The following KLHL4 variants were observed in gnomAD, a reference collection of about 807,000 sequenced individuals.
KLHL4 encodes kelch like family member 4, also known as kelch-like protein 4.
Under a neutral mutation model 45.8 loss-of-function variants are expected in KLHL4, and 17 were observed. The ratio of observed to expected loss-of-function variants is 0.37; its 90% CI spans 0.25 to 0.56. The LOEUF (loss-of-function observed/expected upper bound fraction) is 0.56. KLHL4 is among the 20% of genes least tolerant of loss of function. The pLI is 0.79. For synonymous variants in KLHL4, 224 were observed against 189.9 expected (o/e 1.18, Z -1.47); for missense variants, 544 against 544.9 (o/e 1.00, Z 0.02).
intron 1 of KLHL4, among the ~76,000 whole-genome samples, chrX:87,539,365 C>T (rs948828473): frequency 1.8e-5 from 2 of 110,269 alleles, no homozygotes; most frequent in African/African-American, 6.6e-5. Context: ...TTTTTCTCCC[C>T]AGGGTCTAGA....
In KLHL4 at chrX:87,614,034, C is replaced by T. The variant is rs765543968; in HGVS notation, c.580C>T (p.Pro194Ser). 8.4e-7 allele frequency: 1 copy of T among 1,197,539 alleles called. No homozygotes were observed. Among genetic ancestry groups the T allele is most frequent in the Non-Finnish European group, 1.1e-6 (1 of 888,009 alleles). The change falls in exon 2 of 11, where the codon CCA becomes TCA. Residue 194 changes from proline (P) to serine (S), a missense_variant. Physicochemically the swap from Pro to Ser is moderately conservative, Grantham distance 74. Coordinates refer to ENST00000373119, the MANE Select transcript of KLHL4 (RefSeq NM_019117.5). Reference protein sequence around the residue: ...VLLIAGHLRIPAHRLVLSAVS... With the variant: ...VLLIAGHLRISAHRLVLSAVS... Reference sequence around the variant, plus strand: ...ACTGATTGCAGGACACCTCCGCATCCCAGCCCATAGGTAAGTATTTTTATG... The same window carrying T: ...ACTGATTGCAGGACACCTCCGCATCTCAGCCCATAGGTAAGTATTTTTATG...
chrX:87,621,532 A>G (rs926373789), intron 4 of KLHL4, among the ~76,000 whole-genome samples: 1 of 108,797 alleles, frequency 9.2e-6, no homozygotes, highest in Non-Finnish European at 1.9e-5. Context: ...CTAAAAAAAA[A>G]AATACGAAAA....
intron 9 of KLHL4, among the ~76,000 whole-genome samples, chrX:87,659,828 G>A (rs1924127232): frequency 9.0e-6 from 1 of 111,203 alleles, no homozygotes; most frequent in Non-Finnish European, 1.9e-5. Context: ...TTCAGGACTG[G>A]CTTCATGCAT....
At chrX:87,556,184 A>G in intron 1 of KLHL4, among the ~76,000 whole-genome samples, 1 of 110,979 alleles carries the variant, frequency 9.0e-6, no homozygotes, top group Admixed American at 9.7e-5. Context: ...GTGGTGCCAA[A>G]GGACTATAAA....
chrX:87,614,047 A>G lies in KLHL4; in HGVS notation c.590+3A>G. ...CACCTCCGCATCCCAGCCCATAGGTAAGTATTTTTATGTATACAGAATGGT... is the reference window on the plus strand; with the variant it reads ...CACCTCCGCATCCCAGCCCATAGGTGAGTATTTTTATGTATACAGAATGGT... On this transcript the variant is annotated splice_donor_region_variant and intron_variant, in intron 2 of 10. Transcript: ENST00000373119. The G allele has an allele frequency of 2.5e-6, 3 of 1,187,025 alleles. No homozygotes were observed. Among genetic ancestry groups the G allele is most frequent in the South Asian group, 1.9e-5 (1 of 52,825 alleles).
intron 6 of KLHL4, among the ~76,000 whole-genome samples, chrX:87,629,445 T>C (rs1431104112): frequency 9.0e-6 from 1 of 111,049 alleles, no homozygotes. Flanking sequence ...AATGCTCATG[T>C]TGCAGTCAAA....
chrX:87,585,726 A>G (rs1921449926), intron 1 of KLHL4, among the ~76,000 whole-genome samples: 1 of 111,232 alleles, frequency 9.0e-6, no homozygotes, highest in African/African-American at 3.3e-5. Flanking sequence ...CACAAAACAA[A>G]CAGAAAACAA....
chrX:87,652,276 C>A (rs1205080160), intron 9 of KLHL4, among the ~76,000 whole-genome samples: 2 of 112,421 alleles, frequency 1.8e-5, no homozygotes, highest in African/African-American at 6.5e-5. Context: ...GAGACATTTT[C>A]CCTATTGTCT....
chrX:87,580,046 G>A (rs1233405570), intron 1 of KLHL4, among the ~76,000 whole-genome samples: 1 of 111,971 alleles, frequency 8.9e-6, no homozygotes, highest in Non-Finnish European at 1.9e-5. Flanking sequence ...GATACACAAT[G>A]TAAAAGATAC....
intron 1 of KLHL4, among the ~76,000 whole-genome samples, chrX:87,584,237 A>C (rs963233686): frequency 5.4e-5 from 6 of 111,805 alleles, no homozygotes; most frequent in African/African-American, 2.0e-4. Flanking sequence ...CCCATGAAGC[A>C]CATCTATAAC....
chrX:87,621,638 A>G (rs1355257410), intron 4 of KLHL4, among the ~76,000 whole-genome samples: 5 of 111,320 alleles, frequency 4.5e-5, no homozygotes, highest in African/African-American at 1.6e-4. Context: ...TCCTGAACCC[A>G]TAGATTGTTA....
Position 87,587,963 on chromosome X carries a change from T to TA in KLHL4, c.423-25908dup, listed in dbSNP as rs756005071. 7.2e-5 allele frequency among the ~76,000 whole-genome samples: 8 copies of TA among 111,401 alleles called. No individual in the cohort carries two copies. The East Asian group carries it at 2.3e-3, about 31-fold the overall frequency. ...CAACAAATTCAGTAAACTTGCAGGA[T>TA]AAAAAATCAACATACAAAAATCAGT... On this transcript the variant is annotated intron_variant, in intron 1 of 10. Transcript: ENST00000373119.
intron 1 of KLHL4, among the ~76,000 whole-genome samples, chrX:87,591,418 G>T (rs1921659533): frequency 9.0e-6 from 1 of 111,283 alleles, no homozygotes; most frequent in South Asian, 3.7e-4. Flanking sequence ...ATGATGTCTG[G>T]GCTTTTAGTG....
chrX:87,644,248 A>G (rs977356226), intron 9 of KLHL4, among the ~76,000 whole-genome samples: 44 of 111,877 alleles, frequency 3.9e-4, no homozygotes, highest in African/African-American at 1.4e-3. Context: ...GCTCTTCTAT[A>G]CACCAACAGC....
chrX:87,633,264 C>T (rs1288053707), intron 7 of KLHL4, among the ~76,000 whole-genome samples: 2 of 111,770 alleles, frequency 1.8e-5, no homozygotes, highest in Non-Finnish European at 3.8e-5. Context: ...AAACAAACTT[C>T]TAACTAAACA....
intron 1 of KLHL4, among the ~76,000 whole-genome samples, chrX:87,603,875 T>C (rs951503602): frequency 4.6e-5 from 5 of 109,840 alleles, no homozygotes; most frequent in African/African-American, 1.7e-4. Flanking sequence ...CCACCCTCTC[T>C]CCACCCTCCC....
chrX:87,556,926 G>A (rs146382010), intron 1 of KLHL4, among the ~76,000 whole-genome samples: 17 of 111,236 alleles, frequency 1.5e-4, no homozygotes, highest in Middle Eastern at 4.7e-3. Context: ...AGCCTGATGC[G>A]CTTTATTGTG....
chrX:87,592,838 G>T (rs1921717360), intron 1 of KLHL4, among the ~76,000 whole-genome samples: 1 of 111,712 alleles, frequency 9.0e-6, no homozygotes, highest in South Asian at 3.7e-4. Flanking sequence ...TGAATAGTTT[G>T]CAAATATTTT....
chrX:87,580,113 T>G (rs903248343), intron 1 of KLHL4, among the ~76,000 whole-genome samples: 2 of 111,244 alleles, frequency 1.8e-5, no homozygotes, highest in Non-Finnish European at 3.8e-5. Context: ...ATGTAGAGTT[T>G]TGTAAATGAT....
Sources: gnomAD v4.1 joint callset for allele counts (sites outside exome capture counted in the v4.1 genomes callset) on GRCh38, gnomAD v4.1.1 for gene constraint, MANE v1.5 for transcripts, NCBI Gene and HGNC (gene_info 2026-07-23, HGNC 2026-07-21) for gene names.